DCAF6: variants seen among roughly 807,000 people sequenced by gnomAD.
DCAF6 encodes DDB1 and CUL4 associated factor 6.
A neutral mutation model predicts 125.1 loss-of-function variants in DCAF6; 54 were observed. The observed-to-expected ratio is 0.43, with a 90% confidence interval of 0.35 to 0.54. DCAF6 has a LOEUF of 0.54. DCAF6 is among the 20% of genes least tolerant of loss of function. The pLI is 0.01. For synonymous variants in DCAF6, 371 were observed against 390.4 expected (o/e 0.95, Z 0.58); for missense variants, 934 against 1,161.7 (o/e 0.80, Z 2.85).
At chr1:168,047,317 A>G (rs955974385) in intron 16 of DCAF6, among the ~76,000 whole-genome samples, 6 of 152,110 alleles carry the variant, frequency 3.9e-5, no homozygotes, top group Non-Finnish European at 5.9e-5. Flanking sequence ...GAACTAGACT[A>G]GCAGAATCTT....
At chr1:167,903,310 T>A in the DCAF6 span, among the ~76,000 whole-genome samples, 1 of 150,186 alleles carries the variant, frequency 6.7e-6, no homozygotes, top group African/African-American at 2.5e-5. Context: ...TCACCTGTAA[T>A]CCCAGCACTT....
chr1:167,967,318 A>T (rs769419461), intron 3 of DCAF6, among the ~76,000 whole-genome samples: 5 of 152,182 alleles, frequency 3.3e-5, no homozygotes, highest in Non-Finnish European at 7.4e-5. Flanking sequence ...AAACTCCCTC[A>T]CTAGAAGGCA....
chr1:167,882,252 A>C, the DCAF6 span, among the ~76,000 whole-genome samples: 1 of 152,202 alleles, frequency 6.6e-6, no homozygotes, highest in Non-Finnish European at 1.5e-5. Flanking sequence ...TGGGAGGCCG[A>C]GGCAGGTGGA....
chr1:167,980,358 A>G (rs529091356), intron 4 of DCAF6, among the ~76,000 whole-genome samples: 1 of 149,062 alleles, frequency 6.7e-6, no homozygotes, highest in East Asian at 1.9e-4. Context: ...TTGCTGGATC[A>G]TATGGTAATT....
the DCAF6 span, among the ~76,000 whole-genome samples, chr1:167,907,763 A>G: frequency 6.6e-6 from 1 of 152,236 alleles, no homozygotes; most frequent in African/African-American, 2.4e-5. Flanking sequence ...TTAAATCAAG[A>G]GACTGCTATA....
At chr1:167,873,510 G>A in the DCAF6 span, among the ~76,000 whole-genome samples, 8 of 152,136 alleles carry the variant, frequency 5.3e-5, no homozygotes, top group African/African-American at 9.7e-5. Flanking sequence ...GGGGATGTTC[G>A]TGTCTGACAG....
intron 2 of DCAF6, among the ~76,000 whole-genome samples, chr1:167,963,679 T>G (rs903479171): frequency 6.6e-6 from 1 of 152,210 alleles, no homozygotes; most frequent in Non-Finnish European, 1.5e-5. Context: ...TCCACCCACC[T>G]TGGCCTCCCA....
chr1:167,970,388 C>G (rs553031149), intron 3 of DCAF6, among the ~76,000 whole-genome samples: 1 of 152,260 alleles, frequency 6.6e-6, no homozygotes, highest in South Asian at 2.1e-4. Flanking sequence ...GTGTGGCTCA[C>G]GCTTATAATC....
chr1:168,010,247 T>C (rs1037885329), intron 10 of DCAF6, among the ~76,000 whole-genome samples: 1 of 152,192 alleles, frequency 6.6e-6, no homozygotes, highest in Non-Finnish European at 1.5e-5. Flanking sequence ...AGAAATACTT[T>C]AAAAAATTGT....
At chr1:167,880,618 G>C in the DCAF6 span, 2 of 1,588,138 alleles carry the variant, frequency 1.3e-6, no homozygotes, top group Non-Finnish European at 8.6e-7. Flanking sequence ...CCCTGTGAGG[G>C]AGAGAGACAG....
intron 13 of DCAF6, 52 bp from the exon 14 acceptor site, chr1:168,042,973 G>T: frequency 7.5e-7 from 1 of 1,333,558 alleles, no homozygotes; most frequent in Non-Finnish European, 1.1e-6. Context: ...AATCCTAAAA[G>T]ATCATATTGA....
upstream of DCAF6, among the ~76,000 whole-genome samples, chr1:167,934,418 C>T (rs1671002461): frequency 6.6e-6 from 1 of 152,152 alleles, no homozygotes; most frequent in African/African-American, 2.4e-5. Context: ...AAAATCTTTG[C>T]CACAAAACAC....
intron 12 of DCAF6, among the ~76,000 whole-genome samples, chr1:168,030,260 C>G (rs1686900446): frequency 6.6e-6 from 1 of 152,164 alleles, no homozygotes; most frequent in African/African-American, 2.4e-5. Context: ...AGACATTAAG[C>G]TGAGATCTGA....
intron 2 of DCAF6, among the ~76,000 whole-genome samples, chr1:167,953,724 G>A (rs532734792): frequency 4.8e-4 from 73 of 151,822 alleles, no homozygotes; most frequent in African/African-American, 1.5e-3. Context: ...GCAGCCTCCC[G>A]AGTAGCTGGG....
chr1:167,919,903 G>A, the DCAF6 span: 25 of 975,728 alleles, frequency 2.6e-5, no homozygotes, highest in African/African-American at 1.4e-4. Flanking sequence ...GCGAGACCCC[G>A]TCTCAAAAAA....
At chr1:168,030,533 T>A (rs946037286) in intron 12 of DCAF6, among the ~76,000 whole-genome samples, 1 of 152,204 alleles carries the variant, frequency 6.6e-6, no homozygotes, top group Non-Finnish European at 1.5e-5. Context: ...CTGAATCACT[T>A]ACGAAGTTCT....
At chr1:167,936,307 C>T (rs1258521747), upstream of DCAF6, 1 of 193,420 alleles carries the variant, frequency 5.2e-6, no homozygotes, top group Non-Finnish European at 1.1e-5. Context: ...ACTGCCCTTT[C>T]ACTTTGATTA....
At chr1:167,883,453 A>T in the DCAF6 span, 13 of 1,614,070 alleles carry the variant, frequency 8.1e-6, no homozygotes, top group Non-Finnish European at 1.0e-5. Context: ...AAACATGAAG[A>T]CTTTATTGAT....
chr1:167,926,578 G>A, the DCAF6 span, among the ~76,000 whole-genome samples: 4 of 152,188 alleles, frequency 2.6e-5, no homozygotes, highest in Non-Finnish European at 5.9e-5. Context: ...CCCCCCAGGG[G>A]CATTTTTAGT....
Sources: gnomAD v4.1 joint callset for allele counts (sites outside exome capture counted in the v4.1 genomes callset) on GRCh38, gnomAD v4.1.1 for gene constraint, MANE v1.5 for transcripts, NCBI Gene and HGNC (gene_info 2026-07-23, HGNC 2026-07-21) for gene names.